STRBP: variants seen among roughly 807,000 people sequenced by gnomAD.
STRBP encodes the protein spermatid perinuclear RNA binding protein.
Under a neutral mutation model 80.1 loss-of-function variants are expected in STRBP, and 13 were observed. That is an observed-to-expected ratio of 0.16 (90% CI 0.11 to 0.26). The LOEUF (loss-of-function observed/expected upper bound fraction) is 0.26. Ranked by LOEUF, STRBP falls within the 10% of genes least tolerant of loss-of-function variation. The pLI is 1.00. For missense variants in STRBP, 485 were observed against 815.2 expected (o/e 0.59, Z 4.93); for synonymous variants, 284 against 291.2 (o/e 0.98, Z 0.25).
intron 6 of STRBP, among the ~76,000 whole-genome samples, chr9:123,167,979 G>C (rs1002696166): frequency 1.5e-4 from 23 of 151,586 alleles, no homozygotes; most frequent in Admixed American, 1.2e-3. Context: ...AAGGAATAAA[G>C]ATGACTGATG....
chr9:123,159,883 G>C (rs1348202556), intron 8 of STRBP, among the ~76,000 whole-genome samples: 1 of 152,124 alleles, frequency 6.6e-6, no homozygotes, highest in Non-Finnish European at 1.5e-5. Flanking sequence ...TGTACTGTTT[G>C]CCTGACTTTA....
At chr9:123,179,316 T>C (rs567658635) in intron 3 of STRBP, 89 bp from the exon 4 acceptor site, 3 of 1,063,164 alleles carry the variant, frequency 2.8e-6, no homozygotes, top group South Asian at 1.6e-5. Flanking sequence ...AGCCAACCCA[T>C]AGCACTGACT....
chr9:123,160,518 G>A, intron 7 of STRBP, 56 bp from the exon 8 acceptor site: 2 of 1,398,380 alleles, frequency 1.4e-6, no homozygotes, highest in Non-Finnish European at 9.6e-7. Flanking sequence ...CTTCATTTTG[G>A]GCAAGTTCTT....
At chr9:123,215,843 C>G (rs943476798) in intron 2 of STRBP, among the ~76,000 whole-genome samples, 1 of 152,132 alleles carries the variant, frequency 6.6e-6, no homozygotes, top group Non-Finnish European at 1.5e-5. Flanking sequence ...TAAAATTCTA[C>G]GAACAAGAAG....
chr9:123,172,578 G>A (rs1390137976), intron 5 of STRBP, among the ~76,000 whole-genome samples: 1 of 152,162 alleles, frequency 6.6e-6, no homozygotes, highest in Non-Finnish European at 1.5e-5. Context: ...GAAAAGCCAA[G>A]TATGTTCTGT....
At chr9:123,242,038 G>C (rs1441660029) in intron 1 of STRBP, among the ~76,000 whole-genome samples, 1 of 152,116 alleles carries the variant, frequency 6.6e-6, no homozygotes, top group Non-Finnish European at 1.5e-5. Flanking sequence ...TCCACTAGCT[G>C]TTCCCTCTGC....
intron 1 of STRBP, among the ~76,000 whole-genome samples, chr9:123,240,483 AAGT>A (rs1480570498): frequency 6.6e-6 from 1 of 152,218 alleles, no homozygotes; most frequent in African/African-American, 2.4e-5. Flanking sequence ...TTCTCACAAA[AAGT>A]AGTTTCTATT....
chr9:123,178,862 C>A, intron 4 of STRBP, 145 bp downstream of exon 4: 1 of 623,142 alleles, frequency 1.6e-6, no homozygotes. Context: ...AGAAAATCTC[C>A]ATGTAACATT....
Position 123,115,880 on chromosome 9 carries a change from C to T in STRBP, c.*84+49G>A. The T allele has an allele frequency of 2.7e-6, 1 of 374,828 alleles. No homozygotes were observed. Among genetic ancestry groups the T allele is most frequent in the Middle Eastern group, 5.1e-4 (1 of 1,960 alleles). The allele number at this position is 374,828 out of a possible 1,614,324, so 23.2% of individuals were successfully genotyped here. A position where few individuals can be genotyped will look rare whatever the true frequency, so the allele number is the denominator to read the frequency against. Reference sequence around the variant, plus strand: ...CCACTGGCTTCCCATAATTGTCTTTCACCCTTTGGAACCACATACAACAAA... The same window carrying T: ...CCACTGGCTTCCCATAATTGTCTTTTACCCTTTGGAACCACATACAACAAA... On this transcript the variant is annotated intron_variant and NMD_transcript_variant, in intron 3 of 3. Coordinates refer to the STRBP transcript ENST00000471564. The surrounding 1 kb of genome is among the most constrained non-coding windows in gnomAD (Gnocchi z 5.0).
At chr9:123,191,668 A>T (rs1038382434) in intron 2 of STRBP, among the ~76,000 whole-genome samples, 1 of 152,184 alleles carries the variant, frequency 6.6e-6, no homozygotes, top group Non-Finnish European at 1.5e-5. Flanking sequence ...ACATCAAAAA[A>T]TATCAATTTT....
At chr9:123,243,102 G>T (rs1015258361) in intron 1 of STRBP, among the ~76,000 whole-genome samples, 5 of 151,888 alleles carry the variant, frequency 3.3e-5, no homozygotes, top group African/African-American at 4.8e-5. Context: ...GCGTGGTATT[G>T]GTAGACGGAC....
chr9:123,170,137 G>A (rs886872507), intron 5 of STRBP, 91 bp from the exon 6 acceptor site: 10 of 1,269,708 alleles, frequency 7.9e-6, no homozygotes, highest in Non-Finnish European at 9.7e-6. Flanking sequence ...GTTCTCGAAT[G>A]TTACTATTAA....
At chr9:123,252,248 T>C (rs1045623092) in intron 1 of STRBP, among the ~76,000 whole-genome samples, 5 of 152,224 alleles carry the variant, frequency 3.3e-5, no homozygotes, top group East Asian at 3.9e-4. Flanking sequence ...TATCAAAATT[T>C]AGACTTCTTC....
chr9:123,122,588 C>G lies in STRBP; in HGVS notation c.*3009G>C, dbSNP rs2035766827. On this transcript the variant is annotated 3_prime_UTR_variant, in exon 19 of 19. Coordinates refer to ENST00000348403, the MANE Select transcript of STRBP (RefSeq NM_018387.5). ...TCACCACCCATGCACTTCATCTAGT[C>G]AGCATGAGGTATGTTGGAAATCTAC... 9.1e-7 allele frequency: 1 copy of G among 1,102,276 alleles called. No homozygotes were observed. The allele number at this position is 1,102,276 out of a possible 1,614,324, so 68.3% of individuals were successfully genotyped here. A position where few individuals can be genotyped will look rare whatever the true frequency, so the allele number is the denominator to read the frequency against.
At chr9:123,241,450 A>G (rs2040693270) in intron 1 of STRBP, among the ~76,000 whole-genome samples, 1 of 152,068 alleles carries the variant, frequency 6.6e-6, no homozygotes, top group South Asian at 2.1e-4. Context: ...TCAAGGTTGC[A>G]GAGAGCCGTG....
chr9:123,193,947 C>T (rs957467616), intron 2 of STRBP, among the ~76,000 whole-genome samples: 11 of 152,046 alleles, frequency 7.2e-5, no homozygotes, highest in Non-Finnish European at 1.3e-4. Flanking sequence ...CCTCAAAAGG[C>T]CCAATAATCA....
chr9:123,141,600 C>T (rs1341356732), intron 13 of STRBP, among the ~76,000 whole-genome samples: 1 of 152,004 alleles, frequency 6.6e-6, no homozygotes, highest in African/African-American at 2.4e-5. Flanking sequence ...TTGTTTATTC[C>T]AATAAAAACT....
chr9:123,205,099 C>G (rs1219609932), intron 2 of STRBP, among the ~76,000 whole-genome samples: 5 of 151,918 alleles, frequency 3.3e-5, no homozygotes, highest in Non-Finnish European at 5.9e-5. Context: ...AACTCCGTCT[C>G]TACTAAAAAT....
In STRBP at chr9:123,196,656, A is replaced by G. The variant is rs1227038051; in HGVS notation, c.-164-12358T>C. 3.3e-5 allele frequency among the ~76,000 whole-genome samples: 5 copies of G among 152,350 alleles called. No individual in the cohort carries two copies. The East Asian group carries it at 9.6e-4, about 29-fold the overall frequency. ...ATGGTACTCAACATCACTGATCATC[A>G]GAGAAATGCAAATCAAAACTATAAT... is the stretch of plus-strand genomic sequence containing the variant. On this transcript the variant is annotated intron_variant, in intron 2 of 18. Transcript: ENST00000348403.
Sources: gnomAD v4.1 joint callset for allele counts (sites outside exome capture counted in the v4.1 genomes callset) on GRCh38, gnomAD v4.1.1 for gene constraint, Gnocchi (gnomAD v3.1) non-coding constraint, MANE v1.5 for transcripts, NCBI Gene and HGNC (gene_info 2026-07-23, HGNC 2026-07-21) for gene names.